Variants in UBE2L3 observed in about 807,000 individuals in gnomAD.
UBE2L3 encodes the protein ubiquitin-conjugating enzyme E2 L3.
UBE2L3 carries 1 observed loss-of-function variant against 17.8 expected under a neutral mutation model. The ratio of observed to expected loss-of-function variants is 0.06; its 90% CI spans 0.02 to 0.27. The LOEUF (loss-of-function observed/expected upper bound fraction) is 0.27, where lower values mean the gene tolerates loss of function less well. Among genes scored for constraint, UBE2L3 ranks in the 10% least tolerant of loss-of-function variants. UBE2L3 has a pLI of 1.00. For missense variants in UBE2L3, 40 were observed against 192.6 expected (o/e 0.21, Z 4.69); for synonymous variants, 44 against 68.5 (o/e 0.64, Z 1.76).
rs35054754 is a variant in UBE2L3 at position 21,597,775 on chromosome 22, A to ATTTTTTTTTTTTTTTTTTTTTTTTTT, written c.123+4826_123+4851dup. On this transcript the variant is annotated intron_variant, in intron 2 of 3. Transcript: ENST00000342192. ...GGATCTTTGATCCATTTATATGTAG[A>ATTTTTTTTTTTTTTTTTTTTTTTTTT]TTTTTTTTTTTTTTTTTTTTTTTTT... Among the ~76,000 whole-genome samples, 3 of 25,600 alleles carry ATTTTTTTTTTTTTTTTTTTTTTTTTT rather than the reference A, an allele frequency of 1.2e-4. 1 individual carries two copies. Among genetic ancestry groups the ATTTTTTTTTTTTTTTTTTTTTTTTTT allele is most frequent in the Non-Finnish European group, 1.4e-4 (2 of 14,436 alleles). 16.8% of individuals were successfully genotyped at this position (25,600 alleles called of 152,430 possible).
At chr22:21,612,626 A>AT (rs1050225437) in intron 3 of UBE2L3, among the ~76,000 whole-genome samples, 2 of 66,480 alleles carry the variant, frequency 3.0e-5, no homozygotes, top group Admixed American at 1.9e-4. Context: ...CACCCAGCCG[A>AT]TTTTTTCTTT....
At chr22:21,560,446 A>ATTTTT (rs59968738) in intron 1 of UBE2L3, among the ~76,000 whole-genome samples, 6 of 126,236 alleles carry the variant, frequency 4.8e-5, no homozygotes, top group Non-Finnish European at 6.6e-5. Context: ...CTTTAGATCT[A>ATTTTT]TTTTTTTTTT....
rs561367957 is a variant in UBE2L3, at chr22:21,573,059, C to T, written c.27+5288C>T. Among the ~76,000 whole-genome samples the T allele has an allele frequency of 3.3e-5, 5 of 152,280 alleles. No individual in the cohort carries two copies. In the South Asian group the frequency reaches 1.0e-3, roughly 32 times the overall value. On this transcript the variant is annotated intron_variant, in intron 1 of 3. Transcript: ENST00000342192. ...CATCCCTGTTTGTGGTAGACACCTGCATCGAGCTCCTTAATGGTTCATCTA... is the reference window on the plus strand; with the variant it reads ...CATCCCTGTTTGTGGTAGACACCTGTATCGAGCTCCTTAATGGTTCATCTA...
At chr22:21,570,519 G>A (rs371819345) in intron 1 of UBE2L3, among the ~76,000 whole-genome samples, 3 of 152,262 alleles carry the variant, frequency 2.0e-5, no homozygotes, top group African/African-American at 7.2e-5. Flanking sequence ...GAGAGAAGAC[G>A]CTGACTCTTC....
chr22:21,591,416 G>A (rs146164903), intron 1 of UBE2L3, among the ~76,000 whole-genome samples: 1 of 152,154 alleles, frequency 6.6e-6, no homozygotes, highest in Admixed American at 6.5e-5. Context: ...AGCACCCTGT[G>A]GGGGGAAACT....
intron 1 of UBE2L3, among the ~76,000 whole-genome samples, chr22:21,552,744 G>T (rs1601377388): frequency 9.0e-4 from 1 of 1,112 alleles, no homozygotes; most frequent in East Asian, 6.8e-3. Context: ...TTTTTTTTGA[G>T]ATGGAGTCTC....
chr22:21,562,402 C>T (rs923556928), intron 1 of UBE2L3, among the ~76,000 whole-genome samples: 3 of 147,932 alleles, frequency 2.0e-5, no homozygotes, highest in Non-Finnish European at 4.5e-5. Context: ...GACGGAGTCT[C>T]GCTCTGTCTC....
chr22:21,568,333 G>A lies in UBE2L3; in HGVS notation c.27+562G>A, dbSNP rs903411310. The A allele has an allele frequency of 1.4e-5, 14 of 985,514 alleles. No individual in the cohort carries two copies. In the African/African-American group the frequency reaches 2.3e-4, roughly 16 times the overall value. 61.0% of individuals were successfully genotyped at this position (985,514 alleles called of 1,614,324 possible). ...TGGTGGGTCGTTTGGAATTGCGCTG[G>A]GTCCTAGCAAACTGTCGCCTTGTGA... On this transcript the variant is annotated intron_variant, in intron 1 of 3. Transcript: ENST00000342192.
intron 3 of UBE2L3, chr22:21,614,686 A>G: frequency 3.0e-6 from 4 of 1,332,306 alleles, no homozygotes; most frequent in Non-Finnish European, 3.0e-6. Flanking sequence ...TGGAAGAAAT[A>G]GTAATATGAA....
At chr22:21,562,890 T>C (rs997898551), upstream of UBE2L3, among the ~76,000 whole-genome samples, 1 of 151,708 alleles carries the variant, frequency 6.6e-6, no homozygotes, top group African/African-American at 2.4e-5. Context: ...AGGAATAGCA[T>C]GTGGTCAATG....
chr22:21,559,917 C>A (rs131648), intron 1 of UBE2L3, among the ~76,000 whole-genome samples: 1 of 152,272 alleles, frequency 6.6e-6, no homozygotes, highest in Non-Finnish European at 1.5e-5. Context: ...GGAGAGGGAC[C>A]GTGCTGCTCT....
chr22:21,608,617 G>A (rs753509972), intron 2 of UBE2L3, among the ~76,000 whole-genome samples: 13 of 151,948 alleles, frequency 8.6e-5, no homozygotes, highest in Non-Finnish European at 1.6e-4. Flanking sequence ...TAGAGACAGG[G>A]TTTTACCACG....
chr22:21,558,976 T>A (rs1325519185), intron 1 of UBE2L3, among the ~76,000 whole-genome samples: 1 of 151,796 alleles, frequency 6.6e-6, no homozygotes, highest in Non-Finnish European at 1.5e-5. Flanking sequence ...GAGAATGAGC[T>A]GCAGACTGGG....
intron 1 of UBE2L3, chr22:21,568,282 A>G: frequency 3.0e-6 from 3 of 986,060 alleles, no homozygotes; most frequent in Non-Finnish European, 3.6e-6. Context: ...GAAGGAGGCC[A>G]GGCGGCCAAA....
At chr22:21,563,031 C>T (rs1054956786), upstream of UBE2L3, among the ~76,000 whole-genome samples, 1 of 150,930 alleles carries the variant, frequency 6.6e-6, no homozygotes, top group Non-Finnish European at 1.5e-5. Flanking sequence ...ATCAGGAGGT[C>T]GGAAGTTCGA....
intron 1 of UBE2L3, among the ~76,000 whole-genome samples, chr22:21,560,410 T>C (rs975924669): frequency 1.3e-5 from 2 of 152,230 alleles, no homozygotes; most frequent in African/African-American, 4.8e-5. Context: ...GTATCTTCTG[T>C]CTTGTAGCAT....
intron 1 of UBE2L3, among the ~76,000 whole-genome samples, chr22:21,588,840 T>A (rs1451103260): frequency 6.6e-6 from 1 of 151,742 alleles, no homozygotes; most frequent in Non-Finnish European, 1.5e-5. Context: ...TTTTTTGTAT[T>A]TTTAGTAGAG....
At chr22:21,582,559 A>G (rs1159393252) in intron 1 of UBE2L3, among the ~76,000 whole-genome samples, 1 of 150,192 alleles carries the variant, frequency 6.7e-6, no homozygotes, top group Non-Finnish European at 1.5e-5. Flanking sequence ...GAGTTTCACT[A>G]TTGTTGCCCA....
At chr22:21,562,162 G>C (rs1926455164) in intron 1 of UBE2L3, among the ~76,000 whole-genome samples, 1 of 150,354 alleles carries the variant, frequency 6.7e-6, no homozygotes, top group South Asian at 2.1e-4. Flanking sequence ...TGAGCTCCTT[G>C]GGGGCAGGTG....
Sources: allele counts gnomAD v4.1 joint callset (sites outside exome capture counted in the v4.1 genomes callset), GRCh38; gene constraint gnomAD v4.1.1; transcripts MANE v1.5; gene names NCBI Gene and HGNC (gene_info 2026-07-23, HGNC 2026-07-21).